The following COL4A2 variants were observed in gnomAD, a reference collection of about 807,000 sequenced individuals.
COL4A2 encodes collagen type IV alpha 2 chain.
COL4A2 carries 99 observed loss-of-function variants against 200.2 expected under a neutral mutation model. The ratio of observed to expected loss-of-function variants is 0.49; its 90% CI spans 0.42 to 0.58. COL4A2 has a LOEUF of 0.58. COL4A2 is among the 20% of genes least tolerant of loss of function. The pLI is 0.00. For synonymous variants in COL4A2, 897 were observed against 900.6 expected (o/e 1.00, Z 0.07); for missense variants, 1,950 against 2,314.1 (o/e 0.84, Z 3.23).
rs1594195258 is a variant in COL4A2, at chr13:110,405,847, C to T, written c.181-18887C>T. Among the ~76,000 whole-genome samples, 3 of 152,186 alleles carry T rather than the reference C, an allele frequency of 2.0e-5. No individual in the cohort carries two copies. The South Asian group carries it at 6.2e-4, about 32-fold the overall frequency. On this transcript the variant is annotated intron_variant, in intron 4 of 47. Coordinates refer to ENST00000360467, the MANE Select transcript of COL4A2 (RefSeq NM_001846.4). ...CTCAATGGATTCTAAGAGAGCATCC[C>T]AGGAACCTGCTGGTATCAGCCCAGC...
At chr13:110,372,665 A>T (rs1208768388) in intron 4 of COL4A2, among the ~76,000 whole-genome samples, 1 of 152,230 alleles carries the variant, frequency 6.6e-6, no homozygotes, top group Non-Finnish European at 1.5e-5. Flanking sequence ...TTGCCAACTT[A>T]AACTGTAGAT....
chr13:110,401,589 T>C (rs566881557), intron 4 of COL4A2, among the ~76,000 whole-genome samples: 33 of 152,240 alleles, frequency 2.2e-4, no homozygotes, highest in Non-Finnish European at 4.7e-4. Flanking sequence ...CATTAGAAAC[T>C]GATAATGCTC....
At chr13:110,319,029 T>C (rs1387026222) in intron 3 of COL4A2, among the ~76,000 whole-genome samples, 2 of 152,108 alleles carry the variant, frequency 1.3e-5, no homozygotes, top group African/African-American at 4.8e-5. Context: ...GAAGGGCCTC[T>C]CCTGAGTGCA....
At chr13:110,360,843 T>C (rs9555690) in intron 4 of COL4A2, among the ~76,000 whole-genome samples, 18,864 of 146,738 alleles carry the variant, frequency 0.13, 1,462 homozygotes, top group South Asian at 0.35. Flanking sequence ...GCAGCACTCA[T>C]GTGGCCTGAA....
chr13:110,328,550 A>G (rs1875749466), intron 3 of COL4A2: 1 of 152,244 alleles, frequency 6.6e-6, no homozygotes, highest in Admixed American at 6.5e-5. Flanking sequence ...ACTTTTCAGA[A>G]GAAATCGATG....
At chr13:110,352,415 T>C (rs566442973) in intron 3 of COL4A2, among the ~76,000 whole-genome samples, 1 of 152,228 alleles carries the variant, frequency 6.6e-6, no homozygotes, top group Non-Finnish European at 1.5e-5. Flanking sequence ...GTTTAGTTGT[T>C]TGTTTACTTA....
At chr13:110,400,477 A>G (rs1383766859) in intron 4 of COL4A2, among the ~76,000 whole-genome samples, 1 of 152,228 alleles carries the variant, frequency 6.6e-6, no homozygotes, top group Non-Finnish European at 1.5e-5. Flanking sequence ...ACACGTATTC[A>G]AAATTAAGAC....
intron 4 of COL4A2, among the ~76,000 whole-genome samples, chr13:110,393,439 T>G (rs188972088): frequency 8.1e-4 from 124 of 152,316 alleles, no homozygotes; most frequent in Middle Eastern, 3.4e-3. Flanking sequence ...TAAGGCTATA[T>G]AAAATGAAAT....
chr13:110,454,284 G>A (rs1437541297), intron 20 of COL4A2, among the ~76,000 whole-genome samples: 1 of 152,164 alleles, frequency 6.6e-6, no homozygotes. Context: ...TAGAGAAAAG[G>A]AGAGCAGCAG....
At chr13:110,372,230 GA>G (rs1878043789) in intron 4 of COL4A2, among the ~76,000 whole-genome samples, 1 of 152,192 alleles carries the variant, frequency 6.6e-6, no homozygotes, top group Admixed American at 6.5e-5. Flanking sequence ...GGGGGCAGAG[GA>G]CCCTGTGCGG....
chr13:110,464,737 T>TA lies in COL4A2; in HGVS notation c.1777-667dup, dbSNP rs1223896794. 2.1e-4 allele frequency among the ~76,000 whole-genome samples: 32 copies of TA among 152,240 alleles called. No individual in the cohort carries two copies. The East Asian group carries it at 5.8e-3, about 28-fold the overall frequency. On this transcript the variant is annotated intron_variant, in intron 24 of 47. Coordinates refer to ENST00000360467, the MANE Select transcript of COL4A2 (RefSeq NM_001846.4). ...GTGGCTCAGCAGATGAGCGGGAGCT[T>TA]ATGCGCATGGCTGTTCCACCAGCAC... is the stretch of plus-strand genomic sequence containing the variant.
At chr13:110,424,630 T>A (rs1880392573) in intron 4 of COL4A2, 104 bp from the exon 5 acceptor site, 1 of 676,792 alleles carries the variant, frequency 1.5e-6, no homozygotes, top group Non-Finnish European at 2.5e-6. Context: ...AGATTATAGC[T>A]CTTTAAAAAC....
In COL4A2 at chr13:110,458,899, G is replaced by A. The variant is rs1433036701; in HGVS notation, c.1561G>A (p.Gly521Ser). 10 of 1,592,628 alleles carry A rather than the reference G, an allele frequency of 6.3e-6. No homozygotes were observed. The highest frequency in any genetic ancestry group is 1.1e-5 in the South Asian group (1 of 88,282). ...GAGGAAAGGGGACAGAGGAGACCCC[G>A]GCCAACACGGCCTCCCTGGGTTCCC... is the stretch of plus-strand genomic sequence containing the variant. The part of the protein sequence containing the change: ...PGRKGDRGDP[G>S]QHGLPGFPGL... Residue 521 changes from glycine (G) to serine (S), a missense_variant, in exon 22 of 48, where the codon GGC (glycine) becomes AGC (serine). Gly to Ser is a moderately conservative substitution (Grantham distance 56). Around this residue, in one of 2 missense-constraint regions of COL4A2, gnomAD observed 1,385 missense variants for 1,720.5 expected, o/e 0.80. Coordinates refer to ENST00000360467, the MANE Select transcript of COL4A2 (RefSeq NM_001846.4).
chr13:110,384,535 G>A (rs1021705490), intron 4 of COL4A2, among the ~76,000 whole-genome samples: 2 of 152,156 alleles, frequency 1.3e-5, no homozygotes, highest in Non-Finnish European at 2.9e-5. Flanking sequence ...CAAGGCCACC[G>A]TCCAGCTATT....
At chr13:110,490,207 T>G (rs1290694838) in intron 36 of COL4A2, among the ~76,000 whole-genome samples, 1 of 152,162 alleles carries the variant, frequency 6.6e-6, no homozygotes, top group African/African-American at 2.4e-5. Context: ...TTGAGAGAGA[T>G]ATGGAGGCAG....
chr13:110,395,728 T>C (rs561848261), intron 4 of COL4A2, among the ~76,000 whole-genome samples: 8 of 152,272 alleles, frequency 5.3e-5, no homozygotes, highest in Admixed American at 4.6e-4. Flanking sequence ...GCGGGTAACT[T>C]GAGGTCAGGA....
intron 40 of COL4A2, among the ~76,000 whole-genome samples, chr13:110,500,227 C>A (rs1172287587): frequency 3.3e-5 from 5 of 152,190 alleles, no homozygotes; most frequent in Admixed American, 3.3e-4. Flanking sequence ...CTGTTGCTAC[C>A]TTTTCTCATT....
In COL4A2 at chr13:110,487,033, G is replaced by A. The variant is rs550463354; in HGVS notation, c.3207+1197G>A. 8.5e-5 allele frequency among the ~76,000 whole-genome samples: 13 copies of A among 152,362 alleles called. 1 individual carries two copies. Among genetic ancestry groups the A allele is most frequent in the African/African-American group, 3.1e-4 (13 of 41,594 alleles). On this transcript the variant is annotated intron_variant, in intron 34 of 47. Transcript: ENST00000360467. ...CTTAGTAGCAGGCCAGGGCCTGCCT[G>A]TGTGTCTGTCTGGCCCACCTTGGTG...
At chr13:110,471,950 G>A (rs926879460) in intron 28 of COL4A2, among the ~76,000 whole-genome samples, 7 of 152,018 alleles carry the variant, frequency 4.6e-5, no homozygotes, top group Admixed American at 3.3e-4. Flanking sequence ...TGAGCACTGC[G>A]TGACTGTCAG....
Sources: gnomAD v4.1 joint callset for allele counts (sites outside exome capture counted in the v4.1 genomes callset) on GRCh38, gnomAD v4.1.1 for gene constraint, gnomAD v4.1.1 regional missense constraint, MANE v1.5 for transcripts, NCBI Gene and HGNC (gene_info 2026-07-23, HGNC 2026-07-21) for gene names.